The following ZNF565 variants were observed in gnomAD, a reference collection of about 807,000 sequenced individuals.
The protein encoded by ZNF565 is zinc finger protein 565.
Under a neutral mutation model 39.4 loss-of-function variants are expected in ZNF565, and 27 were observed. The observed-to-expected ratio is 0.69, with a 90% CI of 0.51 to 0.95. The LOEUF (loss-of-function observed/expected upper bound fraction) is 0.95. Among genes scored for constraint, ZNF565 ranks in the 40% least tolerant of loss-of-function variants. The pLI, the probability that ZNF565 is intolerant of heterozygous loss-of-function variation, is 0.00. For synonymous variants in ZNF565, 185 were observed against 216.6 expected, an observed-to-expected ratio of 0.85 and a Z score of 1.28; for missense variants, 524 against 621.1, an observed-to-expected ratio of 0.84 and a Z score of 1.66.
intron 1 of ZNF565, among the ~76,000 whole-genome samples, chr19:36,232,574 G>C (rs1339385295): frequency 6.6e-6 from 1 of 150,578 alleles, no homozygotes; most frequent in Non-Finnish European, 1.5e-5. Flanking sequence ...TGAATTTTTT[G>C]TGTGGAAATA....
intron 1 of ZNF565, among the ~76,000 whole-genome samples, chr19:36,233,700 A>G (rs1977501723): frequency 6.6e-6 from 1 of 152,246 alleles, no homozygotes; most frequent in Non-Finnish European, 1.5e-5. Flanking sequence ...ATACATAAAC[A>G]TCTCAATGCC....
intron 1 of ZNF565, among the ~76,000 whole-genome samples, chr19:36,207,675 A>G (rs1976207892): frequency 6.6e-6 from 1 of 152,234 alleles, no homozygotes; most frequent in Non-Finnish European, 1.5e-5. Context: ...TTTGGGGCAC[A>G]CAGAAAATGA....
chr19:36,209,418 C>T (rs1976271438), intron 1 of ZNF565, among the ~76,000 whole-genome samples: 1 of 152,052 alleles, frequency 6.6e-6, no homozygotes, highest in Non-Finnish European at 1.5e-5. Flanking sequence ...TTGCTTGAAC[C>T]CGAGAGGTGG....
In ZNF565 at chr19:36,183,742, TAAG is replaced by T. The variant is rs748826858; in HGVS notation, c.233-12_233-10del. 6.3e-7 allele frequency: 1 copy of T among 1,593,936 alleles called. No individual in the cohort carries two copies. Among genetic ancestry groups the T allele is most frequent in the Non-Finnish European group, 8.5e-7 (1 of 1,172,014 alleles). On this transcript the variant is annotated splice_polypyrimidine_tract_variant and intron_variant, in intron 4 of 4. Coordinates refer to ENST00000304116, the MANE Select transcript of ZNF565 (RefSeq NM_152477.5). ...ACACCTGGACTCCAAGTCTGAAAAA[TAAG>T]AAAAAGATAAATACAAGCTGTGATC...
At chr19:36,244,154 C>T (rs1045509154) in intron 1 of ZNF565, among the ~76,000 whole-genome samples, 19 of 151,950 alleles carry the variant, frequency 1.3e-4, no homozygotes, top group African/African-American at 3.6e-4. Context: ...TGGCTGGGGG[C>T]AGGGGGTGTC....
chr19:36,205,302 C>A (rs1373300738), intron 1 of ZNF565, among the ~76,000 whole-genome samples: 7 of 151,978 alleles, frequency 4.6e-5, no homozygotes, highest in Admixed American at 3.9e-4. Flanking sequence ...CCGAGGCAGG[C>A]GGATTACCTG....
At chr19:36,213,759 C>G (rs1305398159) in intron 1 of ZNF565, among the ~76,000 whole-genome samples, 1 of 150,580 alleles carries the variant, frequency 6.6e-6, no homozygotes, top group Non-Finnish European at 1.5e-5. Flanking sequence ...CCTCCCACCT[C>G]GGCCTCCCAA....
intron 1 of ZNF565, among the ~76,000 whole-genome samples, chr19:36,202,531 G>A: frequency 6.6e-6 from 1 of 152,084 alleles, no homozygotes; most frequent in Admixed American, 6.6e-5. Flanking sequence ...ACCACCAAGG[G>A]AGGGATTACA....
intron 1 of ZNF565, among the ~76,000 whole-genome samples, chr19:36,225,435 T>C (rs1276956540): frequency 2.0e-5 from 3 of 152,206 alleles, no homozygotes; most frequent in African/African-American, 7.2e-5. Flanking sequence ...ATAGCTTTGC[T>C]TCCTTCTTAA....
upstream of ZNF565, among the ~76,000 whole-genome samples, chr19:36,219,181 A>G (rs1976737351): frequency 6.6e-6 from 1 of 151,844 alleles, no homozygotes; most frequent in Non-Finnish European, 1.5e-5. Flanking sequence ...GATTTTTGAG[A>G]TGGGGTCTCA....
chr19:36,223,337 C>T (rs572415973), intron 1 of ZNF565, among the ~76,000 whole-genome samples: 120 of 140,248 alleles, frequency 8.6e-4, no homozygotes, highest in Non-Finnish European at 1.4e-3. Flanking sequence ...AGTGAGACTC[C>T]GTCTCAAAAA....
intron 1 of ZNF565, among the ~76,000 whole-genome samples, chr19:36,241,802 A>AAAAAAAAAAAAAAAAAT: frequency 7.2e-6 from 1 of 139,456 alleles, no homozygotes; most frequent in Non-Finnish European, 1.6e-5. Flanking sequence ...AAAAAAAAAA[A>AAAAAAAAAAAAAAAAAT]AGCTGGGACA....
At chr19:36,209,525 C>T (rs1367561476) in intron 1 of ZNF565, among the ~76,000 whole-genome samples, 1 of 150,796 alleles carries the variant, frequency 6.6e-6, no homozygotes, top group African/African-American at 2.5e-5. Flanking sequence ...AAACAAAAAA[C>T]AAACCAACAA....
At chr19:36,236,778 C>A in intron 1 of ZNF565, 1 of 1,614,104 alleles carries the variant, frequency 6.2e-7, no homozygotes, top group South Asian at 1.1e-5. Context: ...ATTCAGAAGT[C>A]AAACCTCATC....
chr19:36,201,506 G>A (rs764583086), intron 2 of ZNF565, among the ~76,000 whole-genome samples: 4 of 151,814 alleles, frequency 2.6e-5, no homozygotes, highest in Non-Finnish European at 4.4e-5. Context: ...ACAGAGTCTC[G>A]CTCTGTCTCC....
At chr19:36,242,660 G>C (rs1444196379) in intron 1 of ZNF565, among the ~76,000 whole-genome samples, 2 of 152,174 alleles carry the variant, frequency 1.3e-5, no homozygotes, top group African/African-American at 4.8e-5. Context: ...GGGAGGCGGA[G>C]GTTGCAGTGA....
intron 1 of ZNF565, chr19:36,237,587 C>A (rs759953248): frequency 3.4e-6 from 1 of 293,756 alleles, no homozygotes; most frequent in Non-Finnish European, 6.7e-6. Context: ...AAAATGGAGG[C>A]CTGTTTTTTA....
chr19:36,235,068 G>A (rs2972541), intron 1 of ZNF565, among the ~76,000 whole-genome samples: 1 of 151,946 alleles, frequency 6.6e-6, no homozygotes, highest in Non-Finnish European at 1.5e-5. Flanking sequence ...ATTTAGCCAG[G>A]TATGGTGGTG....
At chr19:36,236,689 G>A in intron 1 of ZNF565, 2 of 1,614,198 alleles carry the variant, frequency 1.2e-6, no homozygotes, top group Non-Finnish European at 1.7e-6. Context: ...CATTTAGCCA[G>A]AAGGAAAACC....
Sources: gnomAD v4.1 joint callset for allele counts (sites outside exome capture counted in the v4.1 genomes callset) on GRCh38, gnomAD v4.1.1 for gene constraint, MANE v1.5 for transcripts, NCBI Gene and HGNC (gene_info 2026-07-23, HGNC 2026-07-21) for gene names.